The following CCSER1 variants were observed in gnomAD, a reference collection of about 807,000 sequenced individuals.
CCSER1 encodes the protein coiled-coil serine rich protein 1, also known as serine-rich coiled-coil domain-containing protein 1.
In CCSER1, 41 loss-of-function variants were observed where a neutral mutation model predicts 82.0. The observed-to-expected ratio is 0.50, with a 90% CI of 0.39 to 0.65. The LOEUF (loss-of-function observed/expected upper bound fraction) is 0.65, where lower values mean the gene tolerates loss of function less well. Ranked by LOEUF, CCSER1 falls within the 30% of genes least tolerant of loss-of-function variation. The pLI, the probability that CCSER1 is intolerant of heterozygous loss-of-function variation, is 0.00. For synonymous variants in CCSER1, 414 were observed against 383.9 expected (o/e 1.08, Z -0.92); for missense variants, 1,119 against 1,064.2 (o/e 1.05, Z -0.72).
chr4:90,767,252 A>G (rs1259972998), intron 7 of CCSER1, among the ~76,000 whole-genome samples: 7 of 152,198 alleles, frequency 4.6e-5, no homozygotes, highest in Admixed American at 4.6e-4. Context: ...TAAAGAATTT[A>G]GCAGTAGTGC....
intron 7 of CCSER1, among the ~76,000 whole-genome samples, chr4:90,750,518 T>G (rs369805192): frequency 5.3e-5 from 8 of 152,274 alleles, no homozygotes; most frequent in Non-Finnish European, 7.4e-5. Context: ...TCAGATTTCT[T>G]GAGACTATTT....
At chr4:91,083,409 C>A (rs552308372) in intron 9 of CCSER1, among the ~76,000 whole-genome samples, 1 of 150,748 alleles carries the variant, frequency 6.6e-6, no homozygotes, top group Non-Finnish European at 1.5e-5. Flanking sequence ...AGGAGCCTGC[C>A]GGGGGGTTGG....
chr4:90,353,357 G>A (rs1024219837), intron 3 of CCSER1, among the ~76,000 whole-genome samples: 3 of 151,900 alleles, frequency 2.0e-5, no homozygotes, highest in African/African-American at 7.3e-5. Flanking sequence ...TCTCAGCCTT[G>A]AATGACTTTT....
At chr4:90,222,525 A>G (rs1742337554) in intron 1 of CCSER1, among the ~76,000 whole-genome samples, 2 of 152,180 alleles carry the variant, frequency 1.3e-5, no homozygotes, top group Non-Finnish European at 2.9e-5. Context: ...TTTCTAAATG[A>G]CAATATGGGA....
chr4:90,525,872 A>G (rs1773696292), intron 5 of CCSER1, among the ~76,000 whole-genome samples: 1 of 152,064 alleles, frequency 6.6e-6, no homozygotes. Context: ...ACTACAAGGC[A>G]CAAGTGATCC....
rs1381698517 is a variant in CCSER1 at position 90,897,889 on chromosome 4, GT to G, written c.2095-25478del. Among the ~76,000 whole-genome samples, 10 of 152,144 alleles carry G rather than the reference GT, an allele frequency of 6.6e-5. No individual in the cohort carries two copies. The South Asian group carries it at 1.9e-3, about 28-fold the overall frequency. On this transcript the variant is annotated intron_variant, in intron 8 of 10. Transcript: ENST00000509176. Reference sequence around the variant, plus strand: ...AGTGATGTTGAAGGTTTTTTCATATGTTTGTTGGCAACTTGTATGTTTTCTT... The same window carrying G: ...AGTGATGTTGAAGGTTTTTTCATATGTTGTTGGCAACTTGTATGTTTTCTT...
intron 3 of CCSER1, among the ~76,000 whole-genome samples, chr4:90,393,507 A>G (rs977074553): frequency 4.6e-5 from 7 of 152,096 alleles, no homozygotes; most frequent in Non-Finnish European, 1.0e-4. Flanking sequence ...AGACCTCACA[A>G]TGATTACAGC....
intron 10 of CCSER1, among the ~76,000 whole-genome samples, chr4:91,275,822 GA>G (rs1391801680): frequency 6.6e-6 from 1 of 152,114 alleles, no homozygotes; most frequent in African/African-American, 2.4e-5. Context: ...AAACCGTCTT[GA>G]GTTGATTTTT....
chr4:90,911,460 G>T, intron 8 of CCSER1: 1 of 327,050 alleles, frequency 3.1e-6, no homozygotes, highest in Non-Finnish European at 6.1e-6. Context: ...TTCTCTCTGT[G>T]TCTCTCTTGC....
chr4:91,513,304 G>C (rs1759924636), intron 10 of CCSER1, among the ~76,000 whole-genome samples: 1 of 152,066 alleles, frequency 6.6e-6, no homozygotes, highest in Non-Finnish European at 1.5e-5. Flanking sequence ...TATATTCCAG[G>C]AATGAAGCCA....
chr4:91,118,601 A>G (rs930898929), intron 10 of CCSER1, among the ~76,000 whole-genome samples: 1 of 152,138 alleles, frequency 6.6e-6, no homozygotes, highest in African/African-American at 2.4e-5. Flanking sequence ...TCTCATTTAG[A>G]TTGGTTAACT....
chr4:90,982,643 T>A (rs1389698439), intron 9 of CCSER1, among the ~76,000 whole-genome samples: 2 of 150,646 alleles, frequency 1.3e-5, no homozygotes, highest in South Asian at 4.2e-4. Context: ...CAAAAAAAAA[T>A]TCCTGCAAAA....
chr4:90,237,858 C>G (rs1746085876), intron 1 of CCSER1, among the ~76,000 whole-genome samples: 1 of 152,156 alleles, frequency 6.6e-6, no homozygotes, highest in Admixed American at 6.5e-5. Context: ...AGAGTAGTGG[C>G]AGCTGTCAAA....
At chr4:90,839,064 C>T (rs779039788) in intron 8 of CCSER1, 6 of 1,602,468 alleles carry the variant, frequency 3.7e-6, no homozygotes, top group East Asian at 2.2e-5. Context: ...CGGAGCGAGG[C>T]GCGCGAGTAC....
intron 9 of CCSER1, among the ~76,000 whole-genome samples, chr4:91,025,390 T>C (rs1740399014): frequency 6.6e-6 from 1 of 152,164 alleles, no homozygotes; most frequent in Admixed American, 6.6e-5. Flanking sequence ...AATTTTTCAT[T>C]TTCACTTCAT....
intron 10 of CCSER1, among the ~76,000 whole-genome samples, chr4:91,307,235 T>A (rs925303051): frequency 2.7e-4 from 41 of 151,868 alleles, no homozygotes; most frequent in African/African-American, 9.7e-4. Context: ...TGTGTAGTAA[T>A]TTTTCATGAA....
intron 9 of CCSER1, among the ~76,000 whole-genome samples, chr4:91,005,111 G>T (rs1056932591): frequency 6.6e-6 from 1 of 152,072 alleles, no homozygotes; most frequent in African/African-American, 2.4e-5. Context: ...CATCACCCTA[G>T]GAAATAACAT....
At chr4:90,417,643 A>C (rs546022560) in intron 4 of CCSER1, among the ~76,000 whole-genome samples, 1 of 152,278 alleles carries the variant, frequency 6.6e-6, no homozygotes, top group East Asian at 1.9e-4. Flanking sequence ...AAAATGGGGA[A>C]GTAATGGCCC....
At position 90,970,788 on chromosome 4, in the gene CCSER1, C is replaced by T. The variant is rs1348149770; in HGVS notation, c.2172+47341C>T. 1.3e-5 allele frequency among the ~76,000 whole-genome samples: 2 copies of T among 151,712 alleles called. 1 individual carries two copies. The highest frequency in any genetic ancestry group is 4.9e-5 in the African/African-American group (2 of 41,224). ...AGAAATCAATAAGAGGAAGAAAAAT[C>T]ACAAAATTTAAAATGTGTGGAAATT... is the stretch of plus-strand genomic sequence containing the variant. On this transcript the variant is annotated intron_variant, in intron 9 of 10. Coordinates refer to ENST00000509176, the MANE Select transcript of CCSER1 (RefSeq NM_001145065.2).
Sources: allele counts gnomAD v4.1 joint callset (sites outside exome capture counted in the v4.1 genomes callset), GRCh38; gene constraint gnomAD v4.1.1; transcripts MANE v1.5; gene names NCBI Gene and HGNC (gene_info 2026-07-23, HGNC 2026-07-21).